Variants in BRINP2 observed in about 807,000 individuals in gnomAD.
BRINP2 encodes BMP/retinoic acid inducible neural specific 2.
Under a neutral mutation model 69.2 loss-of-function variants are expected in BRINP2, and 21 were observed. That is an observed-to-expected ratio of 0.30 (90% CI 0.22 to 0.44). The LOEUF (loss-of-function observed/expected upper bound fraction) is 0.44, where lower values mean the gene tolerates loss of function less well. Among genes scored for constraint, BRINP2 ranks in the 20% least tolerant of loss-of-function variants. The probability of loss-of-function intolerance (pLI) is 1.00; values close to 1 mark genes in which losing one functional copy is unlikely to be tolerated. For missense variants in BRINP2, 877 were observed against 986.0 expected (o/e 0.89, Z 1.48); for synonymous variants, 380 against 394.1 (o/e 0.96, Z 0.42).
chr1:177,241,868 CA>C (rs1650215592), intron 2 of BRINP2, among the ~76,000 whole-genome samples: 1 of 152,192 alleles, frequency 6.6e-6, no homozygotes, highest in African/African-American at 2.4e-5. Flanking sequence ...GCTGAAATCT[CA>C]GTGCTTCGAG....
At chr1:177,219,754 T>C (rs910373260) in intron 1 of BRINP2, among the ~76,000 whole-genome samples, 10 of 152,218 alleles carry the variant, frequency 6.6e-5, no homozygotes, top group African/African-American at 1.9e-4. Context: ...CAGGTCATAA[T>C]GGAGAGTTGC....
chr1:177,250,370 A>T (rs992310458), intron 2 of BRINP2, among the ~76,000 whole-genome samples: 3 of 152,072 alleles, frequency 2.0e-5, no homozygotes, highest in African/African-American at 7.2e-5. Context: ...CCTGTTGCCC[A>T]GGCTGGAGTG....
At chr1:177,257,090 T>C (rs1258799120) in intron 3 of BRINP2, 86 bp from the exon 4 acceptor site, 6 of 1,586,888 alleles carry the variant, frequency 3.8e-6, no homozygotes, top group Non-Finnish European at 5.2e-6. Flanking sequence ...CAGCTGTGTC[T>C]ATCTTGGCCA....
intron 2 of BRINP2, among the ~76,000 whole-genome samples, chr1:177,251,589 CT>C (rs1287966944): frequency 6.6e-6 from 1 of 152,120 alleles, no homozygotes; most frequent in East Asian, 1.9e-4. Context: ...ATCATAGTTG[CT>C]GTTAATAGCA....
chr1:177,174,662 T>C (rs1040557666), intron 1 of BRINP2, among the ~76,000 whole-genome samples: 2 of 152,202 alleles, frequency 1.3e-5, no homozygotes, highest in South Asian at 2.1e-4. Context: ...CTGACAGAAA[T>C]AATAACTGCA....
chr1:177,216,398 T>A (rs776495925), intron 1 of BRINP2, among the ~76,000 whole-genome samples: 12 of 152,072 alleles, frequency 7.9e-5, no homozygotes, highest in Admixed American at 7.2e-4. Flanking sequence ...CCCATTCCAG[T>A]ATTTTATGTT....
At chr1:177,258,277 G>C (rs1558180576) in intron 4 of BRINP2, among the ~76,000 whole-genome samples, 1 of 152,140 alleles carries the variant, frequency 6.6e-6, no homozygotes, top group Non-Finnish European at 1.5e-5. Context: ...AAATGTTAAG[G>C]TACTGAAAAT....
At chr1:177,218,655 A>G (rs1268845876) in intron 1 of BRINP2, among the ~76,000 whole-genome samples, 1 of 151,912 alleles carries the variant, frequency 6.6e-6, no homozygotes, top group East Asian at 1.9e-4. Flanking sequence ...AAAGTTGGAT[A>G]TTTGCTTTCC....
chr1:177,193,526 A>G (rs1648649835), intron 1 of BRINP2, among the ~76,000 whole-genome samples: 1 of 152,244 alleles, frequency 6.6e-6, no homozygotes, highest in African/African-American at 2.4e-5. Flanking sequence ...TTCAATTAGA[A>G]GAACTTTCAG....
chr1:177,233,307 A>G (rs1024071430), intron 2 of BRINP2, among the ~76,000 whole-genome samples: 7 of 152,208 alleles, frequency 4.6e-5, no homozygotes, highest in African/African-American at 4.8e-5. Flanking sequence ...TTCTACCTGT[A>G]TAATATCGGG....
intron 2 of BRINP2, among the ~76,000 whole-genome samples, chr1:177,236,857 A>T (rs1650043089): frequency 6.6e-6 from 1 of 151,706 alleles, no homozygotes. Context: ...TTTATGCCAT[A>T]CTTTGTCTCT....
intron 4 of BRINP2, among the ~76,000 whole-genome samples, chr1:177,272,129 C>T (rs760315121): frequency 1.3e-5 from 2 of 152,192 alleles, no homozygotes; most frequent in Non-Finnish European, 2.9e-5. Context: ...TACATTTCCT[C>T]TCTTCCCACC....
intron 1 of BRINP2, among the ~76,000 whole-genome samples, chr1:177,221,274 A>G (rs1469445528): frequency 6.6e-6 from 1 of 152,194 alleles, no homozygotes; most frequent in Non-Finnish European, 1.5e-5. Context: ...GTTTAGATTG[A>G]TGTTTGGTAC....
intron 6 of BRINP2, among the ~76,000 whole-genome samples, chr1:177,277,410 T>A (rs769072094): frequency 6.6e-6 from 1 of 151,902 alleles, no homozygotes; most frequent in Non-Finnish European, 1.5e-5. Context: ...GCTTTATTTC[T>A]TAAAGAAAAA....
At chr1:177,179,629 C>T (rs1648191811) in intron 1 of BRINP2, among the ~76,000 whole-genome samples, 1 of 147,464 alleles carries the variant, frequency 6.8e-6, no homozygotes, top group African/African-American at 2.6e-5. Context: ...ACCTGTTTTG[C>T]TGAACCACTT....
At chr1:177,234,844 T>C (rs1021570014) in intron 2 of BRINP2, among the ~76,000 whole-genome samples, 1 of 152,174 alleles carries the variant, frequency 6.6e-6, no homozygotes, top group Non-Finnish European at 1.5e-5. Context: ...AGTCTTATCA[T>C]ATTGTGGGAT....
At chr1:177,200,668 A>G (rs932313615) in intron 1 of BRINP2, among the ~76,000 whole-genome samples, 2 of 152,090 alleles carry the variant, frequency 1.3e-5, no homozygotes, top group African/African-American at 4.8e-5. Flanking sequence ...TGAGTACTCT[A>G]TATAAAGCAG....
chr1:177,257,143 G>C (rs984766877), intron 3 of BRINP2, 33 bp from the exon 4 acceptor site: 2 of 1,610,672 alleles, frequency 1.2e-6, no homozygotes, highest in Non-Finnish European at 1.7e-6. Context: ...AGAGCAGAGA[G>C]CGTCACCAAT....
At chr1:177,175,872 T>C (rs1470841405) in intron 1 of BRINP2, among the ~76,000 whole-genome samples, 2 of 152,296 alleles carry the variant, frequency 1.3e-5, no homozygotes, top group East Asian at 3.9e-4. Flanking sequence ...TTCAGAAGCA[T>C]CCACTGCTAT....
Sources: gnomAD v4.1 joint callset for allele counts (sites outside exome capture counted in the v4.1 genomes callset) on GRCh38, gnomAD v4.1.1 for gene constraint, MANE v1.5 for transcripts, NCBI Gene and HGNC (gene_info 2026-07-23, HGNC 2026-07-21) for gene names.